The following NFX1 variants were observed in gnomAD, a reference collection of about 807,000 sequenced individuals.
NFX1 encodes transcriptional repressor NF-X1.
In NFX1, 69 loss-of-function variants were observed where a neutral mutation model predicts 137.2. The observed-to-expected ratio is 0.50, with a 90% CI of 0.41 to 0.61. NFX1 has a LOEUF of 0.61. Ranked by LOEUF, NFX1 falls within the 20% of genes least tolerant of loss-of-function variation. The pLI is 0.00. For missense variants in NFX1, 1,167 were observed against 1,391.0 expected (o/e 0.84, Z 2.56); for synonymous variants, 495 against 474.1 (o/e 1.04, Z -0.57).
chr9:33,356,443 C>A (rs1823812507), intron 19 of NFX1, among the ~76,000 whole-genome samples: 1 of 151,816 alleles, frequency 6.6e-6, no homozygotes, highest in Non-Finnish European at 1.5e-5. Context: ...TCTCTTGATG[C>A]CTTTTTTTAA....
At chr9:33,322,562 A>G in intron 9 of NFX1, among the ~76,000 whole-genome samples, 1 of 152,160 alleles carries the variant, frequency 6.6e-6, no homozygotes, top group East Asian at 1.9e-4. Context: ...GCTCCCACTT[A>G]CAGAATGGAG....
intron 9 of NFX1, among the ~76,000 whole-genome samples, chr9:33,326,413 TAAAA>T (rs368993458): frequency 4.5e-5 from 4 of 88,796 alleles, no homozygotes; most frequent in Admixed American, 1.3e-4. Context: ...CCTCTGTCTT[TAAAA>T]AAAAAAAAAA....
chr9:33,357,233 C>T (rs944654979), intron 19 of NFX1, among the ~76,000 whole-genome samples: 1 of 151,928 alleles, frequency 6.6e-6, no homozygotes, highest in Non-Finnish European at 1.5e-5. Context: ...ACCCAGGAGG[C>T]GGAGCTTGCA....
chr9:33,327,008 T>C (rs776386236), intron 9 of NFX1, among the ~76,000 whole-genome samples: 1 of 151,980 alleles, frequency 6.6e-6, no homozygotes, highest in East Asian at 1.9e-4. Context: ...GTGAAAAATA[T>C]AATTAAGGGA....
chr9:33,320,049 C>T (rs1415067993), intron 9 of NFX1, among the ~76,000 whole-genome samples: 1 of 151,558 alleles, frequency 6.6e-6, no homozygotes, highest in Non-Finnish European at 1.5e-5. Flanking sequence ...GCAACCTCTA[C>T]CTCCTGGGTT....
chr9:33,324,359 A>G (rs1172679603), intron 9 of NFX1, among the ~76,000 whole-genome samples: 1 of 152,064 alleles, frequency 6.6e-6, no homozygotes, highest in Non-Finnish European at 1.5e-5. Context: ...AGCCTGGACG[A>G]GGGAGTAAGA....
intron 7 of NFX1, among the ~76,000 whole-genome samples, chr9:33,314,763 A>G (rs1359647274): frequency 6.6e-6 from 1 of 152,198 alleles, no homozygotes; most frequent in African/African-American, 2.4e-5. Flanking sequence ...ATGGTTGCCT[A>G]GTGGTGGAAA....
At chr9:33,307,127 T>C (rs1033083129) in intron 4 of NFX1, 67 bp from the exon 5 acceptor site, 2 of 1,265,636 alleles carry the variant, frequency 1.6e-6, no homozygotes, top group African/African-American at 2.9e-5. Flanking sequence ...TATACTTTAC[T>C]GTTTCATTAA....
intron 19 of NFX1, among the ~76,000 whole-genome samples, chr9:33,359,460 A>G (rs1390217661): frequency 1.3e-5 from 2 of 152,224 alleles, no homozygotes; most frequent in Non-Finnish European, 2.9e-5. Context: ...TTAGCCGGGC[A>G]TGGTGGCAGA....
At chr9:33,357,471 A>G (rs571745606) in intron 19 of NFX1, among the ~76,000 whole-genome samples, 17 of 152,030 alleles carry the variant, frequency 1.1e-4, no homozygotes, top group South Asian at 4.2e-4. Context: ...CTTTTCTTCA[A>G]TATTGTCTTT....
chr9:33,317,576 A>G (rs1262671613), intron 7 of NFX1, among the ~76,000 whole-genome samples: 1 of 151,662 alleles, frequency 6.6e-6, no homozygotes, highest in Non-Finnish European at 1.5e-5. Flanking sequence ...CACACCTGTA[A>G]TCCCAGCACT....
At chr9:33,294,205 C>T (rs1821262452) in intron 1 of NFX1, among the ~76,000 whole-genome samples, 1 of 152,164 alleles carries the variant, frequency 6.6e-6, no homozygotes, top group Non-Finnish European at 1.5e-5. Flanking sequence ...CTGTCATTGG[C>T]TATTGGTGTT....
At chr9:33,298,369 G>T (rs1051223308) in intron 2 of NFX1, among the ~76,000 whole-genome samples, 2 of 152,238 alleles carry the variant, frequency 1.3e-5, no homozygotes, top group Non-Finnish European at 2.9e-5. Flanking sequence ...AGGAAAGGTG[G>T]TCAGAGAAAT....
chr9:33,321,746 G>A (rs1274522578), intron 9 of NFX1, among the ~76,000 whole-genome samples: 2 of 152,102 alleles, frequency 1.3e-5, no homozygotes, highest in Non-Finnish European at 2.9e-5. Flanking sequence ...GGGTATGGCG[G>A]CACGTGCCTG....
At chr9:33,328,460 C>A in intron 9 of NFX1, 121 bp from the exon 10 acceptor site, 1 of 689,334 alleles carries the variant, frequency 1.5e-6, no homozygotes, top group Non-Finnish European at 2.6e-6. Context: ...GCATACTTCC[C>A]TCAACTCTGA....
intron 3 of NFX1, 128 bp downstream of exon 3, chr9:33,301,549 C>T: frequency 4.3e-6 from 4 of 920,446 alleles, no homozygotes; most frequent in Non-Finnish European, 6.3e-6. Context: ...AGTATGTTAC[C>T]TTGATCATGT....
Position 33,344,228 on chromosome 9 carries a change from C to A in NFX1, c.2344+40C>A, listed in dbSNP as rs998079308. The A allele has an allele frequency of 4.3e-6, 7 of 1,611,236 alleles. No homozygotes were observed. In the Admixed American group the frequency reaches 1.2e-4, roughly 27 times the overall value. On this transcript the variant is annotated intron_variant, in intron 14 of 23. Transcript: ENST00000379540. ...GTCTTCACACTTCAGCCTGCTCACA[C>A]CATGTCATTTAGGATCCTGCTGTGT...
intron 22 of NFX1, 55 bp from the exon 23 acceptor site, chr9:33,367,460 C>G: frequency 6.4e-7 from 1 of 1,566,058 alleles, no homozygotes; most frequent in Non-Finnish European, 8.8e-7. Context: ...AGCTTTCTGT[C>G]CATCTCCACA....
At chr9:33,366,601 C>A in intron 21 of NFX1, 28 bp from the exon 22 acceptor site, 1 of 1,611,536 alleles carries the variant, frequency 6.2e-7, no homozygotes, top group South Asian at 1.1e-5. Context: ...ATGATATGAT[C>A]AATCAGTCAT....
Sources: gnomAD v4.1 joint callset for allele counts (sites outside exome capture counted in the v4.1 genomes callset) on GRCh38, gnomAD v4.1.1 for gene constraint, MANE v1.5 for transcripts, NCBI Gene and HGNC (gene_info 2026-07-23, HGNC 2026-07-21) for gene names.